Variants in CSMD1 observed in about 807,000 individuals in gnomAD.
The protein encoded by CSMD1 is CUB and Sushi multiple domains 1.
Under a neutral mutation model 417.5 loss-of-function variants are expected in CSMD1, and 213 were observed. The observed-to-expected ratio is 0.51, with a 90% CI of 0.46 to 0.57. CSMD1 has a LOEUF of 0.57. CSMD1 is among the 20% of genes least tolerant of loss of function. CSMD1 has a pLI of 0.00. For synonymous variants in CSMD1, 2,862 were observed against 1,736.8 expected (o/e 1.65, Z -16.11); for missense variants, 6,923 against 4,529.7 (o/e 1.53, Z -15.17).
chr8:4,673,871 G>T (rs1002502681), intron 1 of CSMD1, among the ~76,000 whole-genome samples: 1 of 152,088 alleles, frequency 6.6e-6, no homozygotes, highest in African/African-American at 2.4e-5. Flanking sequence ...GGAAGTGAGG[G>T]GCTGGGGAAT....
intron 9 of CSMD1, among the ~76,000 whole-genome samples, chr8:3,579,801 A>T (rs994975846): frequency 6.6e-6 from 1 of 152,240 alleles, no homozygotes; most frequent in African/African-American, 2.4e-5. Context: ...CATTTACTAC[A>T]TGGCCTGACA....
At chr8:4,355,054 A>C (rs1322267614) in intron 3 of CSMD1, among the ~76,000 whole-genome samples, 1 of 151,952 alleles carries the variant, frequency 6.6e-6, no homozygotes, top group African/African-American at 2.4e-5. Context: ...CGAGGTCAGG[A>C]GATCGAGACC....
intron 5 of CSMD1, among the ~76,000 whole-genome samples, chr8:3,794,005 T>G (rs914598105): frequency 6.6e-6 from 1 of 152,170 alleles, no homozygotes; most frequent in African/African-American, 2.4e-5. Flanking sequence ...AACCCCTGCT[T>G]ATCCCACGCG....
At chr8:4,658,498 C>G (rs1028438074) in intron 1 of CSMD1, among the ~76,000 whole-genome samples, 2 of 152,096 alleles carry the variant, frequency 1.3e-5, no homozygotes, top group Non-Finnish European at 2.9e-5. Flanking sequence ...AAAACTCTAT[C>G]AAACTCACTA....
At chr8:3,560,065 C>G (rs966947824) in intron 10 of CSMD1, among the ~76,000 whole-genome samples, 1 of 152,014 alleles carries the variant, frequency 6.6e-6, no homozygotes, top group Non-Finnish European at 1.5e-5. Context: ...TGATTTTTTT[C>G]TGGATCTGTT....
intron 4 of CSMD1, among the ~76,000 whole-genome samples, chr8:4,030,951 G>A (rs71523603): frequency 0.12 from 18,116 of 152,106 alleles, 1,419 homozygotes; most frequent in South Asian, 0.23. Flanking sequence ...TTGCTAAAAC[G>A]TAACAAGAAT....
chr8:3,639,169 T>G (rs1420226259), intron 7 of CSMD1, among the ~76,000 whole-genome samples: 1 of 152,208 alleles, frequency 6.6e-6, no homozygotes, highest in African/African-American at 2.4e-5. Context: ...GGCCGCTCAA[T>G]TCAAGAGGAC....
intron 18 of CSMD1, among the ~76,000 whole-genome samples, chr8:3,370,588 A>G (rs1269260801): frequency 6.6e-6 from 1 of 152,202 alleles, no homozygotes; most frequent in Non-Finnish European, 1.5e-5. Context: ...GCTAGGACAG[A>G]TTAGAATTTG....
chr8:4,579,354 G>A (rs914178462), intron 2 of CSMD1, among the ~76,000 whole-genome samples: 3 of 150,710 alleles, frequency 2.0e-5, no homozygotes, highest in South Asian at 2.1e-4. Context: ...ACACACACGT[G>A]TGTGTGTGTG....
intron 3 of CSMD1, among the ~76,000 whole-genome samples, chr8:4,234,058 G>A (rs1227441880): frequency 6.6e-6 from 1 of 152,084 alleles, no homozygotes; most frequent in Admixed American, 6.6e-5. Flanking sequence ...AAACAGATAA[G>A]TCAACCATTA....
rs146201569 is a variant in CSMD1 at position 3,694,307 on chromosome 8, C to G, written c.1009+14107G>C. ...ACCTCACTTCCTAGACGTCGGCTTC[C>G]AGGAGCACAGCAGCATGACTGAGCA... On this transcript the variant is annotated intron_variant, in intron 7 of 69. Coordinates refer to ENST00000635120, the MANE Select transcript of CSMD1 (RefSeq NM_033225.6). 2.0e-5 allele frequency among the ~76,000 whole-genome samples: 3 copies of G among 152,086 alleles called. No homozygotes were observed. The East Asian group carries it at 5.9e-4, about 30-fold the overall frequency.
At chr8:4,959,953 TA>T (rs1286074885) in intron 1 of CSMD1, among the ~76,000 whole-genome samples, 1 of 152,174 alleles carries the variant, frequency 6.6e-6, no homozygotes, top group Admixed American at 6.5e-5. Context: ...TTACTCTCCT[TA>T]AAAATAGGAA....
rs548699705 is a variant in CSMD1, at chr8:3,820,227, C to A, written c.819-66185G>T. 3.3e-5 allele frequency among the ~76,000 whole-genome samples: 5 copies of A among 152,102 alleles called. No homozygotes were observed. The East Asian group carries it at 9.7e-4, about 30-fold the overall frequency. Reference sequence around the variant, plus strand: ...CATGTTTGTTGAGGTCAGGGGTCAGCCATATAGACACACTTCCCAGACCAT... The same window carrying A: ...CATGTTTGTTGAGGTCAGGGGTCAGACATATAGACACACTTCCCAGACCAT... On this transcript the variant is annotated intron_variant, in intron 5 of 69. Transcript: ENST00000635120.
chr8:4,791,092 C>G (rs187119601), intron 1 of CSMD1, among the ~76,000 whole-genome samples: 1 of 146,224 alleles, frequency 6.8e-6, no homozygotes, highest in African/African-American at 2.4e-5. Context: ...GTGAGAGAGA[C>G]GGTGAGAAGA....
chr8:4,929,454 T>G (rs2117182811), intron 1 of CSMD1, among the ~76,000 whole-genome samples: 1 of 152,272 alleles, frequency 6.6e-6, no homozygotes, highest in Middle Eastern at 3.4e-3. Flanking sequence ...CACAAAGATA[T>G]ATCTAACTAT....
intron 23 of CSMD1, among the ~76,000 whole-genome samples, chr8:3,319,262 T>G (rs1315433984): frequency 1.3e-5 from 2 of 152,346 alleles, no homozygotes; most frequent in African/African-American, 4.8e-5. Context: ...TCCCGAGCAT[T>G]TGATTAACTA....
chr8:4,256,583 G>A (rs1024264138), intron 3 of CSMD1, among the ~76,000 whole-genome samples: 36 of 152,132 alleles, frequency 2.4e-4, no homozygotes, highest in African/African-American at 8.5e-4. Context: ...ATGGGAAGGG[G>A]TTTACCCTCA....
At chr8:3,611,459 C>A (rs556434387) in intron 8 of CSMD1, among the ~76,000 whole-genome samples, 1 of 152,104 alleles carries the variant, frequency 6.6e-6, no homozygotes, top group African/African-American at 2.4e-5. Context: ...GATAGACCAA[C>A]TATCACTGCT....
intron 5 of CSMD1, among the ~76,000 whole-genome samples, chr8:3,775,649 A>C (rs1323038848): frequency 6.6e-6 from 1 of 152,224 alleles, no homozygotes; most frequent in Non-Finnish European, 1.5e-5. Context: ...AGTAAAAGTC[A>C]TAGATTGTCG....
Sources: allele counts gnomAD v4.1 joint callset (sites outside exome capture counted in the v4.1 genomes callset), GRCh38; gene constraint gnomAD v4.1.1; transcripts MANE v1.5; gene names NCBI Gene and HGNC (gene_info 2026-07-23, HGNC 2026-07-21).